The following RAB39A variants were observed in gnomAD, a reference collection of about 807,000 sequenced individuals.
The protein encoded by RAB39A is RAB39A, member RAS oncogene family, also known as ras-related protein Rab-39A.
In RAB39A, 17 loss-of-function variants were observed where a neutral mutation model predicts 20.9. The observed-to-expected ratio is 0.81, with a 90% CI of 0.56 to 1.22. The LOEUF is 1.22. RAB39A is among the 50% of genes most tolerant of loss of function. RAB39A has a pLI of 0.00. For missense variants in RAB39A, 234 were observed against 270.5 expected (o/e 0.87, Z 0.95); for synonymous variants, 99 against 103.4 (o/e 0.96, Z 0.26).
At chr11:107,948,042 A>G (rs184101227) in intron 1 of RAB39A, among the ~76,000 whole-genome samples, 3 of 152,100 alleles carry the variant, frequency 2.0e-5, no homozygotes, top group Admixed American at 1.3e-4. Flanking sequence ...GGTACAAGGA[A>G]CAGCTCTATC....
At chr11:107,936,793 G>A (rs1038155221) in intron 1 of RAB39A, among the ~76,000 whole-genome samples, 1 of 152,044 alleles carries the variant, frequency 6.6e-6, no homozygotes, top group Non-Finnish European at 1.5e-5. Flanking sequence ...GTGCATGGTG[G>A]TGCACACCTA....
In RAB39A at chr11:107,961,908, G is replaced by A. The variant is rs954645867; in HGVS notation, c.228-38G>A. 4 of 1,487,668 alleles carry A rather than the reference G, an allele frequency of 2.7e-6. No homozygotes were observed. The African/African-American group carries it at 5.6e-5, about 21-fold the overall frequency. 92.2% of individuals were successfully genotyped at this position (1,487,668 alleles called of 1,614,324 possible). A position where few individuals can be genotyped will look rare whatever the true frequency, so the allele number is the denominator to read the frequency against. On this transcript the variant is annotated intron_variant, in intron 1 of 1. Transcript: ENST00000320578. ...GTTGGAAGGAGAAGAAAAAGAACAA[G>A]TTGTCCTTATACAACCTTTTTTCTC...
In RAB39A at chr11:107,928,638, C is replaced by T; in HGVS notation, c.70C>T (p.Leu24Phe). ...GGACTCCACCGTGGGCAAGTCCTGC[C>T]TCCTGCACCGCTTCACCCAGGGCCG... ...IGDSTVGKSC[L>F]LHRFTQGRFP... is the part of the protein sequence containing the mutation. Residue 24 changes from leucine to phenylalanine, a missense_variant, in exon 1 of 2, where the codon CTC becomes TTC. Coordinates refer to ENST00000320578, the MANE Select transcript of RAB39A (RefSeq NM_017516.3). This position sits in a 1 kb window ranked among gnomAD's most constrained non-coding sequence, Gnocchi z 4.9. 6.2e-7 allele frequency: 1 copy of T among 1,611,694 alleles called. No individual in the cohort carries two copies. The highest frequency in any genetic ancestry group is 8.5e-7 in the Non-Finnish European group (1 of 1,178,298).
chr11:107,929,693 T>C (rs1160059221), intron 1 of RAB39A, among the ~76,000 whole-genome samples: 1 of 152,124 alleles, frequency 6.6e-6, no homozygotes, highest in Non-Finnish European at 1.5e-5. Context: ...GCTGGGGACA[T>C]GAAGGGTTTC....
At chr11:107,950,518 G>A (rs2134967688) in intron 1 of RAB39A, among the ~76,000 whole-genome samples, 1 of 152,242 alleles carries the variant, frequency 6.6e-6, no homozygotes, top group African/African-American at 2.4e-5. Flanking sequence ...TGTAATCCCA[G>A]CACTTTCGGA....
chr11:107,930,297 A>G (rs966942781), intron 1 of RAB39A, among the ~76,000 whole-genome samples: 1 of 152,156 alleles, frequency 6.6e-6, no homozygotes, highest in Non-Finnish European at 1.5e-5. Context: ...TCATCTGTAA[A>G]ATGAAAGTCG....
chr11:107,952,709 G>A lies in RAB39A; in HGVS notation c.228-9237G>A, dbSNP rs543377187. Among the ~76,000 whole-genome samples the A allele has an allele frequency of 8.4e-4, 128 of 151,622 alleles. 1 individual carries two copies. The highest frequency in any genetic ancestry group is 3.0e-3 in the Admixed American group (45 of 15,194). ...ATTCTGGCCAATGTGGTGAAACCCC[G>A]TCTCTACTAAAAATACAAAAAAAAT... On this transcript the variant is annotated intron_variant, in intron 1 of 1. Transcript: ENST00000320578.
chr11:107,945,318 C>CAAAAAAA (rs33940061), intron 1 of RAB39A, among the ~76,000 whole-genome samples: 37 of 87,438 alleles, frequency 4.2e-4, no homozygotes, highest in Middle Eastern at 0.013. Flanking sequence ...CCCGTCTCTA[C>CAAAAAAA]AAAAAAAAAA....
chr11:107,946,460 A>ATATATATATAT (rs1861319013), intron 1 of RAB39A, among the ~76,000 whole-genome samples: 1 of 15,750 alleles, frequency 6.3e-5, no homozygotes, highest in African/African-American at 2.3e-4. Context: ...ATATATATAT[A>ATATATATATAT]TTTTTTTTTT....
At chr11:107,956,124 G>T (rs1212086784) in intron 1 of RAB39A, among the ~76,000 whole-genome samples, 1 of 152,176 alleles carries the variant, frequency 6.6e-6, no homozygotes, top group Non-Finnish European at 1.5e-5. Flanking sequence ...CTCAGTGTGA[G>T]AACATAAGAC....
At position 107,928,804 on chromosome 11, in the gene RAB39A, C is replaced by T. The variant is rs2134942544; in HGVS notation, c.227+9C>T. ...GGACAGGAGCGGTTCAGGTAGGGAC[C>T]CCGGGGACCTTGGGCACCGCGCCGC... On this transcript the variant is annotated intron_variant, in intron 1 of 1. Transcript: ENST00000320578. The surrounding 1 kb of genome is among the most constrained non-coding windows in gnomAD (Gnocchi z 4.9). 5 of 1,517,986 alleles carry T rather than the reference C, an allele frequency of 3.3e-6. No individual in the cohort carries two copies. The highest frequency in any genetic ancestry group is 3.6e-6 in the Non-Finnish European group (4 of 1,121,570). 94.0% of individuals were successfully genotyped at this position (1,517,986 alleles called of 1,614,324 possible). A position where few individuals can be genotyped will look rare whatever the true frequency, so the allele number is the denominator to read the frequency against.
At chr11:107,946,394 A>ATG (rs1421648814) in intron 1 of RAB39A, among the ~76,000 whole-genome samples, 23 of 38,444 alleles carry the variant, frequency 6.0e-4, no homozygotes, top group South Asian at 2.5e-3. Flanking sequence ...GTGGGTGTAT[A>ATG]TATGTGTGTG....
At position 107,942,228 on chromosome 11, in the gene RAB39A, G is replaced by T. The variant is rs530913808; in HGVS notation, c.227+13433G>T. Among the ~76,000 whole-genome samples the T allele has an allele frequency of 7.2e-5, 11 of 151,868 alleles. No individual in the cohort carries two copies. In the East Asian group the frequency reaches 1.4e-3, roughly 19 times the overall value. On this transcript the variant is annotated intron_variant, in intron 1 of 1. Coordinates refer to ENST00000320578, the MANE Select transcript of RAB39A (RefSeq NM_017516.3). ...GAGAACTTTTGGAAGAGAAGAAAAA[G>T]AGTAAGAGGTAAATTGAAAACAAAG...
chr11:107,942,195 G>A (rs1295457428), intron 1 of RAB39A, among the ~76,000 whole-genome samples: 1 of 151,004 alleles, frequency 6.6e-6, no homozygotes, highest in East Asian at 1.9e-4. Flanking sequence ...TATAATTTTT[G>A]TATAGCAGAG....
intron 1 of RAB39A, among the ~76,000 whole-genome samples, chr11:107,946,396 ATGTGTGTGTGTGTG>A (rs71047654): frequency 0.033 from 1,232 of 37,314 alleles, 60 homozygotes; most frequent in South Asian, 0.042. Context: ...GGGTGTATAT[ATGTGTGTGTGTGTG>A]TGTGTGTGTG....
In RAB39A at chr11:107,962,585, T is replaced by C; in HGVS notation, c.*213T>C. Reference sequence around the variant, plus strand: ...CTAAATTACCAAGCAAAGCAGACAATCTTTTTCTTGAAATTACCTCCATTC... The same window carrying C: ...CTAAATTACCAAGCAAAGCAGACAACCTTTTTCTTGAAATTACCTCCATTC... On this transcript the variant is annotated 3_prime_UTR_variant, in exon 2 of 2. Coordinates refer to ENST00000320578, the MANE Select transcript of RAB39A (RefSeq NM_017516.3). The C allele has an allele frequency of 2.2e-6, 1 of 446,000 alleles. No homozygotes were observed. The allele number at this position is 446,000 out of a possible 1,614,324, so 27.6% of individuals were successfully genotyped here.
intron 1 of RAB39A, among the ~76,000 whole-genome samples, chr11:107,956,721 T>C (rs952187493): frequency 1.3e-5 from 2 of 152,212 alleles, no homozygotes; most frequent in African/African-American, 4.8e-5. Flanking sequence ...AATTAATTCA[T>C]AGTGACACCA....
intron 1 of RAB39A, among the ~76,000 whole-genome samples, chr11:107,946,658 T>C (rs1166100157): frequency 6.7e-6 from 1 of 150,032 alleles, no homozygotes; most frequent in Non-Finnish European, 1.5e-5. Flanking sequence ...GTTTTTTTAG[T>C]AGAGATGGGG....
intron 1 of RAB39A, among the ~76,000 whole-genome samples, chr11:107,950,266 C>T (rs1028448548): frequency 1.3e-5 from 2 of 151,838 alleles, no homozygotes; most frequent in South Asian, 2.1e-4. Flanking sequence ...CCCCTTTTGA[C>T]TTTACAAATC....
Sources: gnomAD v4.1 joint callset for allele counts (sites outside exome capture counted in the v4.1 genomes callset) on GRCh38, gnomAD v4.1.1 for gene constraint, Gnocchi (gnomAD v3.1) non-coding constraint, MANE v1.5 for transcripts, NCBI Gene and HGNC (gene_info 2026-07-23, HGNC 2026-07-21) for gene names.